Variants in UMODL1 observed in about 807,000 individuals in gnomAD.
UMODL1 encodes the protein uromodulin like 1, also known as uromodulin-like 1.
In UMODL1, 128 loss-of-function variants were observed where a neutral mutation model predicts 136.3. That is an observed-to-expected ratio of 0.94 (90% confidence interval 0.81 to 1.09). UMODL1 has a LOEUF of 1.09. UMODL1 is among the 50% of genes least tolerant of loss of function. The pLI is 0.00. For missense variants in UMODL1, 1,766 were observed against 1,725.6 expected, an observed-to-expected ratio of 1.02 and a Z score of -0.41; for synonymous variants, 721 against 720.0, an observed-to-expected ratio of 1.00 and a Z score of -0.02.
At chr21:42,087,245 C>T (rs952802718) in intron 4 of UMODL1, among the ~76,000 whole-genome samples, 3 of 152,198 alleles carry the variant, frequency 2.0e-5, no homozygotes, top group African/African-American at 7.2e-5. Context: ...GTCTCTGAGG[C>T]CTGCTTCTGC....
At chr21:42,132,810 A>C (rs1375069439) in intron 21 of UMODL1, among the ~76,000 whole-genome samples, 2 of 152,202 alleles carry the variant, frequency 1.3e-5, no homozygotes, top group Non-Finnish European at 2.9e-5. Flanking sequence ...GGCACTTAAT[A>C]ATTTTGTGGC....
At chr21:42,108,619 C>T (rs556050619) in intron 9 of UMODL1, 24 of 339,870 alleles carry the variant, frequency 7.1e-5, no homozygotes, top group South Asian at 3.8e-4. Context: ...CCGAGCACCT[C>T]CACCCGCAGC....
At chr21:42,090,275 G>A in intron 5 of UMODL1, 23 bp from the exon 6 acceptor site, 1 of 1,613,890 alleles carries the variant, frequency 6.2e-7, no homozygotes, top group Admixed American at 1.7e-5. Flanking sequence ...GCTGAGTGTG[G>A]GTCCTGCTCT....
intron 21 of UMODL1, among the ~76,000 whole-genome samples, chr21:42,133,543 G>T (rs928516601): frequency 6.6e-6 from 1 of 152,206 alleles, no homozygotes; most frequent in Non-Finnish European, 1.5e-5. Context: ...CCACAGCCTG[G>T]GTGGCTTGAA....
chr21:42,122,544 T>A lies in UMODL1; in HGVS notation c.2828-287T>A, dbSNP rs1371722226. Among the ~76,000 whole-genome samples, 1 of 150,640 alleles carries A rather than the reference T, an allele frequency of 6.6e-6. No individual in the cohort carries two copies. The highest frequency in any genetic ancestry group is 1.5e-5 in the Non-Finnish European group (1 of 67,196). On this transcript the variant is annotated intron_variant, in intron 16 of 22. Coordinates refer to ENST00000408910, the MANE Select transcript of UMODL1 (RefSeq NM_001004416.3). The surrounding 1 kb of genome is among the most constrained non-coding windows in gnomAD (Gnocchi z 4.3). ...TGGAAATGTGCAACATGTGCATGTG[T>A]GCGTGTGTGTGTGTCTGCACGTGTG...
chr21:42,081,632 G>T (rs1183743875), intron 2 of UMODL1, among the ~76,000 whole-genome samples: 1 of 152,150 alleles, frequency 6.6e-6, no homozygotes, highest in Non-Finnish European at 1.5e-5. Flanking sequence ...ATTTAAATAG[G>T]CTTTTAGTTT....
intron 4 of UMODL1, among the ~76,000 whole-genome samples, chr21:42,087,784 G>A (rs1224261515): frequency 2.6e-5 from 4 of 152,154 alleles, no homozygotes; most frequent in Non-Finnish European, 4.4e-5. Context: ...TCACAGTTCT[G>A]GGGGCTGAAG....
intron 2 of UMODL1, among the ~76,000 whole-genome samples, chr21:42,080,043 C>G (rs2066343449): frequency 6.6e-6 from 1 of 152,246 alleles, no homozygotes; most frequent in Non-Finnish European, 1.5e-5. Context: ...CATTTCTTCC[C>G]AGCCCCACGG....
intron 18 of UMODL1, 86 bp from the exon 19 acceptor site, chr21:42,126,920 G>A: frequency 2.7e-6 from 3 of 1,092,758 alleles, no homozygotes; most frequent in Non-Finnish European, 4.2e-6. Context: ...CTCTGGAGCT[G>A]TGTTTTAGGG....
chr21:42,108,870 CA>C, intron 9 of UMODL1, among the ~76,000 whole-genome samples: 1 of 151,752 alleles, frequency 6.6e-6, no homozygotes, highest in African/African-American at 2.4e-5. Flanking sequence ...CGCTGGACCC[CA>C]CCCCCGGCGT....
At chr21:42,104,150 TTTA>T (rs1355976362) in intron 9 of UMODL1, 63 bp downstream of exon 9, 13 of 1,479,508 alleles carry the variant, frequency 8.8e-6, no homozygotes, top group Middle Eastern at 2.1e-4. Flanking sequence ...TCTTGGTGAC[TTTA>T]TTTGAGTCAG....
At chr21:42,079,064 T>C (rs1271527600) in intron 2 of UMODL1, among the ~76,000 whole-genome samples, 1 of 152,144 alleles carries the variant, frequency 6.6e-6, no homozygotes, top group Non-Finnish European at 1.5e-5. Context: ...CCCTATCCTG[T>C]CCAGTCTTAC....
intron 8 of UMODL1, 83 bp downstream of exon 8, chr21:42,102,361 C>A: frequency 1.9e-6 from 2 of 1,080,788 alleles, no homozygotes; most frequent in Non-Finnish European, 2.7e-6. Flanking sequence ...TCCTGCCCAG[C>A]TCTTCCTCTG....
intron 21 of UMODL1, among the ~76,000 whole-genome samples, chr21:42,134,516 A>G (rs1238573596): frequency 6.6e-6 from 1 of 152,138 alleles, no homozygotes; most frequent in Non-Finnish European, 1.5e-5. Context: ...CAGTGAGGAG[A>G]CTGAGGCGGT....
At chr21:42,132,689 C>T (rs951040183) in intron 21 of UMODL1, among the ~76,000 whole-genome samples, 1 of 152,046 alleles carries the variant, frequency 6.6e-6, no homozygotes, top group Non-Finnish European at 1.5e-5. Flanking sequence ...TGCAACATGC[C>T]CTCCCTACCT....
At position 42,098,231 on chromosome 21, in the gene UMODL1, C is replaced by T. The variant is rs544627096; in HGVS notation, c.932-695C>T. Among the ~76,000 whole-genome samples the T allele has an allele frequency of 2.0e-5, 3 of 152,250 alleles. No individual in the cohort carries two copies. The East Asian group carries it at 5.8e-4, about 29-fold the overall frequency. On this transcript the variant is annotated intron_variant, in intron 6 of 22. Coordinates refer to ENST00000408910, the MANE Select transcript of UMODL1 (RefSeq NM_001004416.3). ...CGATTCCGGATCCCAGAGAGCCCCA[C>T]GACTCAATGCTGTTCACTGTGTAGA... is the stretch of plus-strand genomic sequence containing the variant.
chr21:42,127,129 C>T lies in UMODL1; in HGVS notation c.3417C>T (p.Ile1139=), dbSNP rs756726224. The T allele has an allele frequency of 3.1e-6, 5 of 1,614,150 alleles. No individual in the cohort carries two copies. The highest frequency in any genetic ancestry group is 4.2e-6 in the Non-Finnish European group (5 of 1,180,034). Residue 1139 remains isoleucine (I), a synonymous_variant, in exon 19 of 23, where the codon ATC becomes ATT. Transcript: ENST00000408910. ...YSVSASDDVR[I]EVGLYRQKSN... ...TGTCTGCCAGTGACGATGTCAGGAT[C>T]GAAGTGGGGCTCTACAGGCAGAAAA... is the stretch of plus-strand genomic sequence containing the variant.
In UMODL1 at chr21:42,113,748, G is replaced by T. The variant is rs200526457; in HGVS notation, c.2280G>T (p.Glu760Asp). 48 of 1,613,992 alleles carry T rather than the reference G, an allele frequency of 3.0e-5. No individual in the cohort carries two copies. Among genetic ancestry groups the T allele is most frequent in the South Asian group, 2.7e-4 (25 of 91,090 alleles). Residue 760 changes from glutamate to aspartate, a missense_variant, in exon 13 of 23, where the codon GAG becomes GAT. Transcript: ENST00000408910. ...WNTSVTLSGL[E>D]PGVLHLVEIM... ...CGAGTGTGACACTGTCGGGGCTGGA[G>T]CCTGGGGTCTTGCACCTGGTTGAGA... is the stretch of plus-strand genomic sequence containing the variant.
chr21:42,120,966 A>G (rs1282135216), intron 15 of UMODL1, 121 bp from the exon 16 acceptor site: 5 of 1,273,396 alleles, frequency 3.9e-6, no homozygotes, highest in East Asian at 2.4e-5. Flanking sequence ...GCTTGACTGC[A>G]GTCTGCTGTG....
Sources: gnomAD v4.1 joint callset for allele counts (sites outside exome capture counted in the v4.1 genomes callset) on GRCh38, gnomAD v4.1.1 for gene constraint, Gnocchi (gnomAD v3.1) non-coding constraint, MANE v1.5 for transcripts, NCBI Gene and HGNC (gene_info 2026-07-23, HGNC 2026-07-21) for gene names.